USP7: variants seen among roughly 807,000 people sequenced by gnomAD.
USP7 encodes the protein ubiquitin specific peptidase 7.
In USP7, 9 loss-of-function variants were observed where a neutral mutation model predicts 162.9. The observed-to-expected ratio is 0.06, with a 90% CI of 0.03 to 0.10. The LOEUF (loss-of-function observed/expected upper bound fraction) is 0.10. USP7 is among the 10% of genes least tolerant of loss of function. The pLI is 1.00. For missense variants in USP7, 715 were observed against 1,373.7 expected (o/e 0.52, Z 7.58); for synonymous variants, 562 against 475.9 (o/e 1.18, Z -2.35).
chr16:8,948,317 G>A (rs1226771599), intron 1 of USP7, among the ~76,000 whole-genome samples: 1 of 152,096 alleles, frequency 6.6e-6, no homozygotes, highest in African/African-American at 2.4e-5. Context: ...AGAGTAGCTG[G>A]AACTACAAGC....
chr16:8,918,883 G>A (rs1233533889), intron 6 of USP7, 148 bp downstream of exon 6: 2 of 755,758 alleles, frequency 2.6e-6, no homozygotes, highest in African/African-American at 1.7e-5. Context: ...CAGCACTGGG[G>A]AATGAAAACG....
At chr16:8,925,281 A>G (rs1272548083) in intron 2 of USP7, among the ~76,000 whole-genome samples, 1 of 152,190 alleles carries the variant, frequency 6.6e-6, no homozygotes, top group Non-Finnish European at 1.5e-5. Context: ...AAGTTACCAT[A>G]ACACACACAA....
intron 4 of USP7, 72 bp from the exon 5 acceptor site, chr16:8,920,519 T>A: frequency 7.9e-7 from 1 of 1,262,598 alleles, no homozygotes; most frequent in Non-Finnish European, 1.1e-6. Context: ...CAAATTACAT[T>A]AGTGCCCTGT....
chr16:8,906,218 C>G (rs1388223582), intron 13 of USP7, among the ~76,000 whole-genome samples: 1 of 152,232 alleles, frequency 6.6e-6, no homozygotes, highest in African/African-American at 2.4e-5. Flanking sequence ...ATTGATTACT[C>G]ACAAAGAGAA....
intron 1 of USP7, among the ~76,000 whole-genome samples, chr16:8,940,170 G>T (rs762870462): frequency 1.3e-5 from 2 of 152,072 alleles, no homozygotes; most frequent in Non-Finnish European, 2.9e-5. Flanking sequence ...CTCACAAACA[G>T]CTCTGTCCTG....
rs1449354940 is a variant in USP7 at position 8,894,796 on chromosome 16, C to T, written c.3099G>A (p.Lys1033=). 1 of 1,614,142 alleles carries T rather than the reference C, an allele frequency of 6.2e-7. No homozygotes were observed. Among genetic ancestry groups the T allele is most frequent in the Non-Finnish European group, 8.5e-7 (1 of 1,180,056 alleles). The change falls in exon 29 of 31, where the codon AAG becomes AAA. Residue 1033 remains lysine (K), a synonymous_variant. Coordinates refer to ENST00000344836, the MANE Select transcript of USP7 (RefSeq NM_003470.3). Reference sequence around the variant, plus strand: ...CCCAGCTGCACACCTTCTCAAACTCCTTCTCCTGGATGTCCAGCAGGCTCT... The same window carrying T: ...CCCAGCTGCACACCTTCTCAAACTCTTTCTCCTGGATGTCCAGCAGGCTCT... ...RIQSLLDIQE[K]EFEKFKFAIV...
At chr16:8,945,879 C>A (rs1899252276) in intron 1 of USP7, among the ~76,000 whole-genome samples, 1 of 151,462 alleles carries the variant, frequency 6.6e-6, no homozygotes, top group Admixed American at 6.6e-5. Flanking sequence ...AGCGAGACCC[C>A]ACTTCCAAAA....
intron 8 of USP7, among the ~76,000 whole-genome samples, chr16:8,916,255 A>C (rs1897363214): frequency 6.6e-6 from 1 of 152,182 alleles, no homozygotes; most frequent in Non-Finnish European, 1.5e-5. Flanking sequence ...CCAATTTAAC[A>C]AATTAAAAGC....
chr16:8,897,996 CAG>C (rs1281570282), intron 25 of USP7, among the ~76,000 whole-genome samples: 1 of 151,950 alleles, frequency 6.6e-6, no homozygotes, highest in Admixed American at 6.6e-5. Context: ...GGAGTAAGCG[CAG>C]AGTCATGGAC....
rs1012295835 is a variant in USP7 at position 8,892,974 on chromosome 16, G to T, written c.*1024C>A. The T allele has an allele frequency of 6.6e-6, 1 of 152,122 alleles. No homozygotes were observed. Among genetic ancestry groups the T allele is most frequent in the Non-Finnish European group, 1.5e-5 (1 of 68,018 alleles). The allele number at this position is 152,122 out of a possible 1,614,324, so 9.4% of individuals were successfully genotyped here. On this transcript the variant is annotated 3_prime_UTR_variant, in exon 31 of 31. Coordinates refer to ENST00000344836, the MANE Select transcript of USP7 (RefSeq NM_003470.3). The stretch of plus-strand genomic sequence containing the variant: ...GCTGGCATTAGCTCCAAAATAAAAG[G>T]AAACGGGGCTGGGACCGAAATAAAA...
chr16:8,917,920 G>A (rs1346836445), intron 6 of USP7, among the ~76,000 whole-genome samples: 1 of 152,136 alleles, frequency 6.6e-6, no homozygotes, highest in Non-Finnish European at 1.5e-5. Flanking sequence ...CTCCCCAGTA[G>A]CTGGGACTAC....
intron 1 of USP7, among the ~76,000 whole-genome samples, chr16:8,939,775 T>C (rs557602096): frequency 2.0e-5 from 3 of 152,286 alleles, no homozygotes; most frequent in East Asian, 3.9e-4. Flanking sequence ...CTCCAAAACA[T>C]TGTCATGATT....
intron 2 of USP7, among the ~76,000 whole-genome samples, chr16:8,929,036 C>T (rs1293726649): frequency 2.8e-5 from 4 of 143,344 alleles, no homozygotes; most frequent in Non-Finnish European, 6.0e-5. Context: ...CCTCCCAAGA[C>T]CTCCCCCCTA....
chr16:8,921,044 T>G lies in USP7; in HGVS notation c.522+113A>C, dbSNP rs914659269. ...TGTTTTCAAAGACACTTGTCCAATT[T>G]AGAAAGTAAAAATCTGACTCTAAAA... On this transcript the variant is annotated intron_variant, in intron 4 of 30. Transcript: ENST00000344836. 4.1e-6 allele frequency: 5 copies of G among 1,223,620 alleles called. No individual in the cohort carries two copies. The African/African-American group carries it at 6.1e-5, about 15-fold the overall frequency. 75.8% of individuals were successfully genotyped at this position (1,223,620 alleles called of 1,614,324 possible). A position where few individuals can be genotyped will look rare whatever the true frequency, so the allele number is the denominator to read the frequency against.
At position 8,925,594 on chromosome 16, in the gene USP7, T is replaced by C. The variant is rs781777567; in HGVS notation, c.185-2181A>G. Among the ~76,000 whole-genome samples, 5 of 152,178 alleles carry C rather than the reference T, an allele frequency of 3.3e-5. No individual in the cohort carries two copies. In the East Asian group the frequency reaches 5.8e-4, roughly 18 times the overall value. The stretch of plus-strand genomic sequence containing the variant: ...ACCCAAACAATGGTGAGACTCAGAA[T>C]TGAAGTTTGCACTTGGTTCACCTGC... On this transcript the variant is annotated intron_variant, in intron 2 of 30. Coordinates refer to ENST00000344836, the MANE Select transcript of USP7 (RefSeq NM_003470.3).
intron 1 of USP7, among the ~76,000 whole-genome samples, chr16:8,956,877 C>G (rs1045149622): frequency 6.6e-6 from 1 of 152,164 alleles, no homozygotes; most frequent in Non-Finnish European, 1.5e-5. Flanking sequence ...ACGAGGACTC[C>G]CAGCGCAGCC....
At chr16:8,936,645 G>T (rs1259940132) in intron 1 of USP7, 2 of 1,554,682 alleles carry the variant, frequency 1.3e-6, no homozygotes, top group Non-Finnish European at 1.7e-6. Context: ...CCTCTGCTGG[G>T]GGATGGGGGA....
chr16:8,942,657 C>T (rs1169819063), intron 1 of USP7, among the ~76,000 whole-genome samples: 1 of 152,186 alleles, frequency 6.6e-6, no homozygotes, highest in Admixed American at 6.5e-5. Flanking sequence ...AAGCAATCCT[C>T]CCACCTCAAG....
rs752392170 is a variant in USP7, at chr16:8,915,379, T to C, written c.988-35A>G. On this transcript the variant is annotated intron_variant, in intron 9 of 30. Transcript: ENST00000344836. The stretch of plus-strand genomic sequence containing the variant: ...AGGAAAGTAAAAGTGGTTTAACTAG[T>C]AATAGTCAAAAAATTCACATTCTAA... 13 of 1,612,802 alleles carry C rather than the reference T, an allele frequency of 8.1e-6. No homozygotes were observed. In the Admixed American group the frequency reaches 1.8e-4, roughly 23 times the overall value.
Sources: gnomAD v4.1 joint callset for allele counts (sites outside exome capture counted in the v4.1 genomes callset) on GRCh38, gnomAD v4.1.1 for gene constraint, MANE v1.5 for transcripts, NCBI Gene and HGNC (gene_info 2026-07-23, HGNC 2026-07-21) for gene names.